Variants in RBM4B observed in about 807,000 individuals in gnomAD.
The protein encoded by RBM4B is RNA binding motif protein 4B.
In RBM4B, 13 loss-of-function variants were observed where a neutral mutation model predicts 28.5. The observed-to-expected ratio is 0.46, with a 90% CI of 0.30 to 0.72. RBM4B has a LOEUF of 0.72. Ranked by LOEUF, RBM4B falls within the 30% of genes least tolerant of loss-of-function variation. The probability of loss-of-function intolerance (pLI) is 0.09; values close to 1 mark genes in which losing one functional copy is unlikely to be tolerated. For missense variants in RBM4B, 387 were observed against 477.6 expected (o/e 0.81, Z 1.77); for synonymous variants, 167 against 179.1 (o/e 0.93, Z 0.54).
Position 66,676,952 on chromosome 11 carries a change from T to C in RBM4B, c.128A>G (p.Glu43Gly). 1 of 1,614,100 alleles carries C rather than the reference T, an allele frequency of 6.2e-7. No individual in the cohort carries two copies. Among genetic ancestry groups the C allele is most frequent in the Non-Finnish European group, 8.5e-7 (1 of 1,180,002 alleles). ...GGCATCCTCAGCTGCCGTCTTGTCT[T>C]CTATGTGCACAAAGCCGTAATTCTT... ...IIKNYGFVHI[E>G]DKTAAEDAIR... Residue 43 changes from glutamate to glycine, a missense_variant, in exon 2 of 4, where the codon GAA (glutamate) becomes GGA (glycine). Glu to Gly is a moderately conservative substitution (Grantham distance 98). Around this residue, in one of 2 missense-constraint regions of RBM4B, gnomAD observed 161 missense variants for 256.9 expected, o/e 0.63. Transcript: ENST00000310046.
chr11:66,671,523 A>G (rs1939463141), intron 2 of RBM4B, among the ~76,000 whole-genome samples: 1 of 152,176 alleles, frequency 6.6e-6, no homozygotes, highest in African/African-American at 2.4e-5. Flanking sequence ...TAAAAGTAAC[A>G]TTTTTAACAA....
chr11:66,675,720 T>C (rs1243462768), intron 2 of RBM4B: 3 of 152,202 alleles, frequency 2.0e-5, no homozygotes, highest in Non-Finnish European at 2.9e-5. Context: ...AACAGTGCTA[T>C]CCAAAAGAAT....
At chr11:66,672,083 G>C (rs537470955) in intron 2 of RBM4B, among the ~76,000 whole-genome samples, 1 of 151,964 alleles carries the variant, frequency 6.6e-6, no homozygotes, top group East Asian at 1.9e-4. Flanking sequence ...ATCTATAATA[G>C]GGGTGACGAG....
chr11:66,666,051 C>G (rs1939220316), intron 3 of RBM4B: 7 of 1,204,500 alleles, frequency 5.8e-6, no homozygotes, highest in Non-Finnish European at 8.1e-6. Context: ...ATGATGGTCA[C>G]AAGGGGTAGG....
chr11:66,676,526 C>T (rs1939641174), intron 2 of RBM4B, 142 bp downstream of exon 2: 3 of 1,029,282 alleles, frequency 2.9e-6, no homozygotes, highest in African/African-American at 1.6e-5. Context: ...GTAAATTATG[C>T]TTAAGAGCGG....
chr11:66,668,296 C>CCGT, intron 3 of RBM4B: 3 of 253,874 alleles, frequency 1.2e-5, no homozygotes, highest in South Asian at 8.6e-5. Context: ...ATACAGAGGG[C>CCGT]ACATAACAAA....
chr11:66,674,404 A>G (rs1174669074), intron 2 of RBM4B, among the ~76,000 whole-genome samples: 2 of 149,192 alleles, frequency 1.3e-5, no homozygotes, highest in Admixed American at 6.7e-5. Context: ...TTTTTTTTGT[A>G]TTTTTAGTAG....
At chr11:66,672,043 G>A (rs763634907) in intron 2 of RBM4B, among the ~76,000 whole-genome samples, 3 of 151,226 alleles carry the variant, frequency 2.0e-5, no homozygotes, top group South Asian at 2.1e-4. Context: ...CACTGCACCC[G>A]GCCCAATTTT....
intron 1 of RBM4B, 82 bp from the exon 2 acceptor site, chr11:66,677,173 C>T: frequency 6.6e-7 from 1 of 1,507,216 alleles, no homozygotes; most frequent in Non-Finnish European, 9.0e-7. Flanking sequence ...TCTAATCCTC[C>T]AAAGTTCTTG....
intron 2 of RBM4B, chr11:66,670,884 T>C: frequency 2.8e-6 from 2 of 702,340 alleles, no homozygotes; most frequent in Non-Finnish European, 5.2e-6. Flanking sequence ...TAAGGACTGC[T>C]GAGAACAAAT....
chr11:66,676,800 G>T lies in RBM4B; in HGVS notation c.280C>A (p.Leu94Ile). Residue 94 changes from leucine to isoleucine, a missense_variant, in exon 2 of 4, where the codon CTT (leucine) becomes ATT (isoleucine). Coordinates refer to ENST00000310046, the MANE Select transcript of RBM4B (RefSeq NM_031492.4). Reference protein sequence around the residue: ...NISPTCTNQELRAKFEEYGPV... With the variant: ...NISPTCTNQEIRAKFEEYGPV... ...CCATACTCCTCAAACTTGGCTCGAA[G>T]CTCTTGGTTGGTACAAGTGGGGCTG... 1 of 1,614,190 alleles carries T rather than the reference G, an allele frequency of 6.2e-7. No homozygotes were observed. The highest frequency in any genetic ancestry group is 8.5e-7 in the Non-Finnish European group (1 of 1,180,044).
intron 3 of RBM4B, chr11:66,666,242 A>G (rs72923084): frequency 0.019 from 18,916 of 995,776 alleles, 251 homozygotes; most frequent in Middle Eastern, 0.027. Context: ...CCAGACACCA[A>G]TGGCTGGGGG....
intron 3 of RBM4B, chr11:66,666,993 G>C (rs1384614579): frequency 6.6e-6 from 1 of 151,624 alleles, no homozygotes; most frequent in Non-Finnish European, 1.5e-5. Context: ...TCTCACTCCT[G>C]GGCTCAAGGG....
Position 66,676,793 on chromosome 11 carries a change from G to C in RBM4B, c.287C>G (p.Ala96Gly). The C allele has an allele frequency of 6.2e-7, 1 of 1,614,130 alleles. No homozygotes were observed. The highest frequency in any genetic ancestry group is 8.5e-7 in the Non-Finnish European group (1 of 1,180,034). Residue 96 changes from alanine to glycine, a missense_variant, in exon 2 of 4, where the codon GCC (alanine) becomes GGC (glycine). Physicochemically the swap from Ala to Gly is moderately conservative, Grantham distance 60. Coordinates refer to ENST00000310046, the MANE Select transcript of RBM4B (RefSeq NM_031492.4). Reference protein sequence around the residue: ...SPTCTNQELRAKFEEYGPVIE... With the variant: ...SPTCTNQELRGKFEEYGPVIE... The stretch of plus-strand genomic sequence containing the variant: ...GACCGGACCATACTCCTCAAACTTG[G>C]CTCGAAGCTCTTGGTTGGTACAAGT...
intron 2 of RBM4B, among the ~76,000 whole-genome samples, chr11:66,670,135 A>G (rs1212987082): frequency 1.3e-5 from 2 of 152,024 alleles, no homozygotes; most frequent in Non-Finnish European, 2.9e-5. Flanking sequence ...GGCTCCAATG[A>G]TGGGTACACA....
chr11:66,670,900 C>T, intron 2 of RBM4B: 1 of 702,548 alleles, frequency 1.4e-6, no homozygotes, highest in Non-Finnish European at 2.6e-6. Flanking sequence ...CAAATCCCCC[C>T]TCTGCAATCA....
At position 66,669,285 on chromosome 11, in the gene RBM4B, C is replaced by G. The variant is rs1939378650; in HGVS notation, c.419G>C (p.Arg140Thr). 6.2e-7 allele frequency: 1 copy of G among 1,612,274 alleles called. No homozygotes were observed. Among genetic ancestry groups the G allele is most frequent in the Admixed American group, 1.7e-5 (1 of 59,952 alleles). ...GCTTGTGGACAACTGCACATGCATT[C>G]TTTTGCCTTGAGGGAACAGATGTAA... ...GLDNTEFQGK[R>T]MHVQLSTSRL... is the part of the protein sequence containing the mutation. Residue 140 changes from arginine to threonine, a missense_variant, in exon 3 of 4, where the codon AGA (arginine) becomes ACA (threonine). Coordinates refer to ENST00000310046, the MANE Select transcript of RBM4B (RefSeq NM_031492.4).
intron 2 of RBM4B, among the ~76,000 whole-genome samples, chr11:66,672,913 T>C (rs1939516245): frequency 6.6e-6 from 1 of 152,214 alleles, no homozygotes. Context: ...ATTCTTCTAC[T>C]CTACTACACT....
chr11:66,677,311 G>A (rs1257352157), intron 1 of RBM4B: 1 of 586,802 alleles, frequency 1.7e-6, no homozygotes, highest in Non-Finnish European at 3.0e-6. Flanking sequence ...GCATAGCCCA[G>A]TCTATCATCT....
Sources: allele counts gnomAD v4.1 joint callset (sites outside exome capture counted in the v4.1 genomes callset), GRCh38; gene constraint gnomAD v4.1.1; regional missense constraint gnomAD v4.1.1; transcripts MANE v1.5; gene names NCBI Gene and HGNC (gene_info 2026-07-23, HGNC 2026-07-21).